Variants in PLEKHA7 observed in about 807,000 individuals in gnomAD.
The protein encoded by PLEKHA7 is pleckstrin homology domain-containing family A member 7.
Under a neutral mutation model 170.0 loss-of-function variants are expected in PLEKHA7, and 104 were observed. That is an observed-to-expected ratio of 0.61 (90% CI 0.52 to 0.72). The LOEUF (loss-of-function observed/expected upper bound fraction) is 0.72. Ranked by LOEUF, PLEKHA7 falls within the 30% of genes least tolerant of loss-of-function variation. The probability of loss-of-function intolerance (pLI) is 0.00; values close to 1 mark genes in which losing one functional copy is unlikely to be tolerated. For missense variants in PLEKHA7, 1,615 were observed against 1,671.7 expected (o/e 0.97, Z 0.59); for synonymous variants, 648 against 660.8 (o/e 0.98, Z 0.30).
chr11:16,780,974 C>T, intron 26 of PLEKHA7: 1 of 985,930 alleles, frequency 1.0e-6, no homozygotes, highest in Non-Finnish European at 1.2e-6. Context: ...GTAGTGGAGT[C>T]CGTTGGTAAA....
intron 9 of PLEKHA7, among the ~76,000 whole-genome samples, chr11:16,839,736 G>A (rs1437585309): frequency 6.6e-6 from 1 of 152,070 alleles, no homozygotes; most frequent in East Asian, 1.9e-4. Context: ...ATGTGCGTAG[G>A]TTATATGCAA....
At chr11:16,954,748 T>C (rs992810749) in intron 3 of PLEKHA7, among the ~76,000 whole-genome samples, 9 of 151,738 alleles carry the variant, frequency 5.9e-5, no homozygotes, top group African/African-American at 2.2e-4. Flanking sequence ...TGGAGTGCAA[T>C]GGCGCAATCT....
intron 3 of PLEKHA7, among the ~76,000 whole-genome samples, chr11:16,871,835 C>T (rs1381648052): frequency 6.6e-6 from 1 of 152,156 alleles, no homozygotes; most frequent in East Asian, 1.9e-4. Context: ...ACAAAGGCTG[C>T]TTGGTTCTTT....
At chr11:16,837,666 T>C (rs746213905) in intron 9 of PLEKHA7, among the ~76,000 whole-genome samples, 1 of 152,180 alleles carries the variant, frequency 6.6e-6, no homozygotes, top group Non-Finnish European at 1.5e-5. Context: ...AAAATTTCTA[T>C]TTATTAAAAT....
intron 10 of PLEKHA7, among the ~76,000 whole-genome samples, chr11:16,824,121 AG>A (rs1054533537): frequency 3.0e-4 from 45 of 152,188 alleles, no homozygotes; most frequent in Non-Finnish European, 5.3e-4. Flanking sequence ...GGTAGTGGGC[AG>A]GGGGGAGTAG....
intron 3 of PLEKHA7, among the ~76,000 whole-genome samples, chr11:16,932,947 G>T (rs1192249554): frequency 6.6e-6 from 1 of 152,158 alleles, no homozygotes; most frequent in Non-Finnish European, 1.5e-5. Flanking sequence ...AGGGGAGTCG[G>T]GTTAGCCTTA....
intron 3 of PLEKHA7, among the ~76,000 whole-genome samples, chr11:16,977,749 G>A (rs1863160377): frequency 6.6e-6 from 1 of 152,172 alleles, no homozygotes; most frequent in African/African-American, 2.4e-5. Flanking sequence ...GCTGCTCTAG[G>A]ATCTTTGGTA....
At chr11:16,921,920 G>T (rs1055048442) in intron 3 of PLEKHA7, among the ~76,000 whole-genome samples, 6 of 152,252 alleles carry the variant, frequency 3.9e-5, no homozygotes, top group Non-Finnish European at 7.3e-5. Context: ...CAGGTATCCA[G>T]TTGCTCTTAG....
chr11:16,932,748 GA>G (rs1391105689), intron 3 of PLEKHA7, among the ~76,000 whole-genome samples: 2 of 152,222 alleles, frequency 1.3e-5, no homozygotes, highest in Non-Finnish European at 2.9e-5. Flanking sequence ...ACCAAACTGT[GA>G]TATGTGCAGG....
intron 13 of PLEKHA7, among the ~76,000 whole-genome samples, chr11:16,811,074 G>A (rs1459138810): frequency 6.6e-6 from 1 of 152,160 alleles, no homozygotes; most frequent in African/African-American, 2.4e-5. Context: ...TAGTTCTGCT[G>A]TGCCATTCTG....
At chr11:16,867,875 C>T (rs1854517418) in intron 4 of PLEKHA7, among the ~76,000 whole-genome samples, 1 of 152,236 alleles carries the variant, frequency 6.6e-6, no homozygotes, top group Admixed American at 6.5e-5. Context: ...CCTCTTCCTC[C>T]AGTTTAAGGC....
intron 8 of PLEKHA7, among the ~76,000 whole-genome samples, chr11:16,847,482 C>T (rs538904762): frequency 6.6e-6 from 1 of 152,226 alleles, no homozygotes; most frequent in East Asian, 1.9e-4. Context: ...AGACAGAAGA[C>T]AGGAGTGGCT....
At chr11:16,858,561 C>T (rs528404631) in intron 4 of PLEKHA7, among the ~76,000 whole-genome samples, 12 of 151,072 alleles carry the variant, frequency 7.9e-5, no homozygotes, top group Non-Finnish European at 1.3e-4. Context: ...GGTGCAATCT[C>T]GGCTCACTGC....
In PLEKHA7 at chr11:16,845,199, G is replaced by A. The variant is rs1411892137; in HGVS notation, c.697-3477C>T. ...ACAGTGTGTTCATCTTCAAGGATGAGGCCAGCATGACTGGCACAGAGGAAT... is the reference window on the plus strand; with the variant it reads ...ACAGTGTGTTCATCTTCAAGGATGAAGCCAGCATGACTGGCACAGAGGAAT... On this transcript the variant is annotated intron_variant, in intron 8 of 26. Coordinates refer to ENST00000531066, the MANE Select transcript of PLEKHA7 (RefSeq NM_001329630.2). 3.9e-5 allele frequency among the ~76,000 whole-genome samples: 6 copies of A among 152,194 alleles called. No homozygotes were observed. In the South Asian group the frequency reaches 1.0e-3, roughly 26 times the overall value.
intron 3 of PLEKHA7, among the ~76,000 whole-genome samples, chr11:16,942,484 C>G (rs1004958536): frequency 4.6e-5 from 7 of 152,336 alleles, no homozygotes; most frequent in African/African-American, 1.7e-4. Flanking sequence ...TAGAGAAACT[C>G]AATGACTAGC....
chr11:16,892,623 T>A lies in PLEKHA7; in HGVS notation c.222-21441A>T, dbSNP rs901393844. Among the ~76,000 whole-genome samples, 154 of 115,618 alleles carry A rather than the reference T, an allele frequency of 1.3e-3. 1 individual carries two copies. Among genetic ancestry groups the A allele is most frequent in the African/African-American group, 4.4e-3 (144 of 32,692 alleles). 75.8% of individuals were successfully genotyped at this position (115,618 alleles called of 152,430 possible). ...ACCATGCCCAGCTTCCAGCTTCTTT[T>A]TTTTTTTTTTTTTTTTTTCGTATTT... On this transcript the variant is annotated intron_variant, in intron 3 of 26. Coordinates refer to ENST00000531066, the MANE Select transcript of PLEKHA7 (RefSeq NM_001329630.2).
intron 17 of PLEKHA7, among the ~76,000 whole-genome samples, chr11:16,797,749 C>T (rs1848332607): frequency 6.6e-6 from 1 of 152,156 alleles, no homozygotes; most frequent in Non-Finnish European, 1.5e-5. Flanking sequence ...GCTGAAGTCC[C>T]CAAGCTGAGT....
intron 3 of PLEKHA7, among the ~76,000 whole-genome samples, chr11:16,889,424 T>A (rs865958601): frequency 0.026 from 1,889 of 73,194 alleles, 24 homozygotes; most frequent in African/African-American, 0.044. Flanking sequence ...AAAAAAAATA[T>A]ATATATATAT....
intron 3 of PLEKHA7, among the ~76,000 whole-genome samples, chr11:16,980,997 G>A (rs777187358): frequency 2.6e-5 from 4 of 152,132 alleles, no homozygotes; most frequent in Non-Finnish European, 5.9e-5. Context: ...CACATAGTAG[G>A]CCTTTGATAC....
Sources: allele counts gnomAD v4.1 joint callset (sites outside exome capture counted in the v4.1 genomes callset), GRCh38; gene constraint gnomAD v4.1.1; transcripts MANE v1.5; gene names NCBI Gene and HGNC (gene_info 2026-07-23, HGNC 2026-07-21).